Variants in ITPR1 observed in about 807,000 individuals in gnomAD.
ITPR1 encodes the protein inositol 1,4,5-trisphosphate-gated calcium channel ITPR1.
A neutral mutation model predicts 318.4 loss-of-function variants in ITPR1; 96 were observed. The observed-to-expected ratio is 0.30, with a 90% CI of 0.26 to 0.36. The LOEUF is 0.36. Among genes scored for constraint, ITPR1 ranks in the 10% least tolerant of loss-of-function variants. The probability of loss-of-function intolerance (pLI) is 1.00; values close to 1 mark genes in which losing one functional copy is unlikely to be tolerated. For missense variants in ITPR1, 2,440 were observed against 3,460.2 expected (o/e 0.71, Z 7.40); for synonymous variants, 1,312 against 1,289.9 (o/e 1.02, Z -0.37).
chr3:4,770,725 A>G (rs2046132456), intron 46 of ITPR1, among the ~76,000 whole-genome samples: 1 of 152,158 alleles, frequency 6.6e-6, no homozygotes, highest in Non-Finnish European at 1.5e-5. Context: ...GGGGCGTTAG[A>G]ACACCTCAGC....
intron 4 of ITPR1, among the ~76,000 whole-genome samples, chr3:4,558,426 T>C (rs2086349597): frequency 6.6e-6 from 1 of 152,122 alleles, no homozygotes; most frequent in African/African-American, 2.4e-5. Context: ...AAGCTCGTGG[T>C]TATAAAACAG....
chr3:4,706,089 G>A, intron 36 of ITPR1, 78 bp from the exon 37 acceptor site: 1 of 1,503,904 alleles, frequency 6.6e-7, no homozygotes, highest in Non-Finnish European at 9.2e-7. Flanking sequence ...TGCTGGATGG[G>A]GACTAGGGCA....
At chr3:4,760,286 C>T (rs1488087179) in intron 44 of ITPR1, among the ~76,000 whole-genome samples, 1 of 152,254 alleles carries the variant, frequency 6.6e-6, no homozygotes, top group Non-Finnish European at 1.5e-5. Flanking sequence ...TTGGAGACGA[C>T]TGGAGGGTGA....
chr3:4,558,440 T>C (rs1425184770), intron 4 of ITPR1, among the ~76,000 whole-genome samples: 2 of 152,118 alleles, frequency 1.3e-5, no homozygotes, highest in African/African-American at 4.8e-5. Flanking sequence ...AAAACAGTAA[T>C]GCTAATCAAC....
chr3:4,543,185 G>C (rs1048184031), intron 4 of ITPR1, among the ~76,000 whole-genome samples: 4 of 151,778 alleles, frequency 2.6e-5, no homozygotes, highest in Admixed American at 6.6e-5. Context: ...TGGGAGGATT[G>C]CTTGACCCCA....
intron 4 of ITPR1, among the ~76,000 whole-genome samples, chr3:4,620,377 G>T (rs2092580360): frequency 6.6e-6 from 1 of 152,132 alleles, no homozygotes; most frequent in Admixed American, 6.5e-5. Context: ...TGGGGTGGGT[G>T]GACACAGGGG....
At position 4,675,017 on chromosome 3, in the gene ITPR1, G is replaced by A. The variant is rs1308751322; in HGVS notation, c.2599-51G>A. The A allele has an allele frequency of 8.3e-6, 8 of 968,620 alleles. No individual in the cohort carries two copies. The East Asian group carries it at 1.5e-4, about 18-fold the overall frequency. The allele number at this position is 968,620 out of a possible 1,614,324, so 60.0% of individuals were successfully genotyped here. On this transcript the variant is annotated intron_variant, in intron 22 of 61. Transcript: ENST00000649015. ...CTGGTCAACATCAAATGGAATTGAAGGGGATGCAGTTTATGTAATACCGTC... is the reference window on the plus strand; with the variant it reads ...CTGGTCAACATCAAATGGAATTGAAAGGGATGCAGTTTATGTAATACCGTC...
intron 50 of ITPR1, 129 bp downstream of exon 50, chr3:4,782,870 G>A: frequency 2.4e-6 from 2 of 847,828 alleles, no homozygotes; most frequent in Non-Finnish European, 3.2e-6. Context: ...TCATGAGCCT[G>A]CGGCTCACAG....
chr3:4,807,092 G>GCTTACAAAGAGGGGGA (rs2048606274), intron 55 of ITPR1, among the ~76,000 whole-genome samples: 8 of 69,276 alleles, frequency 1.2e-4, no homozygotes, highest in East Asian at 9.7e-4. Context: ...AGAGAGGGGG[G>GCTTACAAAGAGGGGGA]CTTACAAAGA....
At position 4,681,377 on chromosome 3, in the gene ITPR1, T is replaced by C; in HGVS notation, c.3120T>C (p.Phe1040=). The C allele has an allele frequency of 1.9e-6, 3 of 1,612,692 alleles. No individual in the cohort carries two copies. The highest frequency in any genetic ancestry group is 2.5e-6 in the Non-Finnish European group (3 of 1,178,926). Residue 1040 remains phenylalanine (F), a synonymous_variant, in exon 26 of 62, where the codon TTT becomes TTC. Transcript: ENST00000649015. ...GPSNVPGALD[F]EHIEEQAEGI... The stretch of plus-strand genomic sequence containing the variant: ...CTAACTTTTCAGGTGCTCTTGACTT[T>C]GAACACATTGAAGAACAAGCAGAAG...
At chr3:4,755,622 C>G (rs879828707) in intron 44 of ITPR1, among the ~76,000 whole-genome samples, 34 of 152,148 alleles carry the variant, frequency 2.2e-4, no homozygotes, top group African/African-American at 8.0e-4. Context: ...ATGAAGATCC[C>G]CTGCCTTGGC....
At chr3:4,608,705 CA>C (rs36119077) in intron 4 of ITPR1, among the ~76,000 whole-genome samples, 4 of 151,842 alleles carry the variant, frequency 2.6e-5, no homozygotes, top group African/African-American at 9.7e-5. Context: ...AGATGACACC[CA>C]AAATATCAGT....
chr3:4,814,648 C>G, intron 58 of ITPR1, 86 bp downstream of exon 58: 3 of 1,238,762 alleles, frequency 2.4e-6, no homozygotes, highest in Non-Finnish European at 3.4e-6. Flanking sequence ...TGAGTGTAAA[C>G]TGAAGACGCA....
chr3:4,520,100 G>A (rs2082446998), intron 3 of ITPR1, among the ~76,000 whole-genome samples: 1 of 152,176 alleles, frequency 6.6e-6, no homozygotes, highest in African/African-American at 2.4e-5. Flanking sequence ...ATGAATGGAG[G>A]AACCCTGGAA....
intron 40 of ITPR1, among the ~76,000 whole-genome samples, chr3:4,722,286 C>T (rs1252552650): frequency 6.6e-6 from 1 of 152,178 alleles, no homozygotes; most frequent in Non-Finnish European, 1.5e-5. Flanking sequence ...AAAACCAGAG[C>T]ACATCAGATC....
intron 35 of ITPR1, 86 bp downstream of exon 35, chr3:4,700,027 A>G: frequency 7.4e-6 from 9 of 1,217,986 alleles, no homozygotes; most frequent in South Asian, 1.3e-5. Context: ...AAGCAATTGT[A>G]AATGAACTGG....
chr3:4,830,140 AT>A (rs377328251), intron 60 of ITPR1, among the ~76,000 whole-genome samples: 12 of 150,968 alleles, frequency 7.9e-5, no homozygotes, highest in African/African-American at 2.7e-4. Context: ...TGCCCAGCTA[AT>A]TTTTTTGTAT....
chr3:4,506,733 C>G (rs2081420331), intron 2 of ITPR1, among the ~76,000 whole-genome samples: 1 of 152,196 alleles, frequency 6.6e-6, no homozygotes, highest in African/African-American at 2.4e-5. Context: ...AGTTCACTTT[C>G]TAGAGCCCTG....
chr3:4,604,086 T>C (rs755404617), intron 4 of ITPR1, among the ~76,000 whole-genome samples: 2 of 152,194 alleles, frequency 1.3e-5, no homozygotes, highest in Admixed American at 6.5e-5. Flanking sequence ...CAGTGATTAG[T>C]GATGTTGAGC....
Sources: gnomAD v4.1 joint callset for allele counts (sites outside exome capture counted in the v4.1 genomes callset) on GRCh38, gnomAD v4.1.1 for gene constraint, MANE v1.5 for transcripts, NCBI Gene and HGNC (gene_info 2026-07-23, HGNC 2026-07-21) for gene names.